SNTG1: variants seen among roughly 807,000 people sequenced by gnomAD.
The protein encoded by SNTG1 is gamma-1-syntrophin.
A neutral mutation model predicts 74.7 loss-of-function variants in SNTG1; 39 were observed. The ratio of observed to expected loss-of-function variants is 0.52; its 90% CI spans 0.40 to 0.68. SNTG1 has a LOEUF of 0.68. SNTG1 is among the 30% of genes least tolerant of loss of function. The pLI is 0.00. For missense variants in SNTG1, 685 were observed against 609.5 expected (o/e 1.12, Z -1.30); for synonymous variants, 254 against 217.1 (o/e 1.17, Z -1.49).
chr8:50,713,116 C>T (rs749038920), intron 17 of SNTG1, among the ~76,000 whole-genome samples: 2 of 152,146 alleles, frequency 1.3e-5, no homozygotes, highest in African/African-American at 2.4e-5. Flanking sequence ...CACTCCCCAC[C>T]AACAGTATAA....
In SNTG1 at chr8:50,635,402, T is replaced by C. The variant is rs191816035; in HGVS notation, c.850-21507T>C. ...CAGTGAGTTTTTTCAGGCCCTAGGC[T>C]GGTTTAGAGATGATTTCCAGGAGCC... is the stretch of plus-strand genomic sequence containing the variant. On this transcript the variant is annotated intron_variant, in intron 13 of 18. Coordinates refer to ENST00000642720, the MANE Select transcript of SNTG1 (RefSeq NM_018967.5). Among the ~76,000 whole-genome samples, 8 of 152,286 alleles carry C rather than the reference T, an allele frequency of 5.3e-5. No homozygotes were observed. The East Asian group carries it at 1.5e-3, about 29-fold the overall frequency.
chr8:50,042,728 C>CTT (rs1404618290), intron 1 of SNTG1, among the ~76,000 whole-genome samples: 2 of 143,090 alleles, frequency 1.4e-5, no homozygotes. Flanking sequence ...GGCTAATTGA[C>CTT]TTTTTTTTTT....
In SNTG1 at chr8:50,779,740, G is replaced by T. The variant is rs1199288141; in HGVS notation, c.1396-12931G>T. On this transcript the variant is annotated intron_variant, in intron 18 of 18. Coordinates refer to ENST00000642720, the MANE Select transcript of SNTG1 (RefSeq NM_018967.5). ...CCCTGGCCAGAACTTCCAACACTAT[G>T]TTGAATAGGAGTGGTGAGAGAGGGC... Among the ~76,000 whole-genome samples the T allele has an allele frequency of 1.0e-3, 148 of 144,446 alleles. 1 individual carries two copies. The highest frequency in any genetic ancestry group is 5.4e-4 in the Non-Finnish European group (36 of 67,096). The allele number at this position is 144,446 out of a possible 152,430, so 94.8% of individuals were successfully genotyped here.
At chr8:50,612,379 T>C (rs975755196) in intron 13 of SNTG1, among the ~76,000 whole-genome samples, 1 of 152,210 alleles carries the variant, frequency 6.6e-6, no homozygotes, top group Non-Finnish European at 1.5e-5. Context: ...TGTACTCACT[T>C]GTGTTACTAA....
intron 18 of SNTG1, among the ~76,000 whole-genome samples, chr8:50,780,962 C>A (rs541220231): frequency 2.6e-5 from 4 of 152,120 alleles, no homozygotes; most frequent in African/African-American, 9.7e-5. Flanking sequence ...TCATTACGTA[C>A]CGAGTAGTCA....
chr8:50,546,092 CAT>C (rs150293418), intron 11 of SNTG1, among the ~76,000 whole-genome samples: 61 of 152,106 alleles, frequency 4.0e-4, no homozygotes, highest in Non-Finnish European at 7.4e-4. Flanking sequence ...GTAAGGATGT[CAT>C]AGAAGTTATT....
chr8:50,401,515 C>A (rs1048732945), intron 3 of SNTG1, among the ~76,000 whole-genome samples: 3 of 152,020 alleles, frequency 2.0e-5, no homozygotes, highest in Non-Finnish European at 4.4e-5. Context: ...AACTAGGCTC[C>A]AATTTTAATT....
chr8:50,583,002 T>A (rs922005112), intron 12 of SNTG1, among the ~76,000 whole-genome samples: 1 of 152,070 alleles, frequency 6.6e-6, no homozygotes, highest in Non-Finnish European at 1.5e-5. Context: ...TTTAAAAAAA[T>A]TGAATTTTAT....
At chr8:50,651,799 GAC>G (rs1563695542) in intron 13 of SNTG1, among the ~76,000 whole-genome samples, 1 of 149,538 alleles carries the variant, frequency 6.7e-6, no homozygotes. Context: ...ATTTTTTTGA[GAC>G]AGAGTTTCGC....
chr8:50,405,882 C>T (rs1336236875), intron 4 of SNTG1, among the ~76,000 whole-genome samples: 1 of 151,956 alleles, frequency 6.6e-6, no homozygotes, highest in African/African-American at 2.4e-5. Flanking sequence ...AAATCATGTG[C>T]CGTATATATA....
chr8:50,252,243 C>T (rs1320105458), intron 2 of SNTG1, among the ~76,000 whole-genome samples: 2 of 151,870 alleles, frequency 1.3e-5, no homozygotes, highest in African/African-American at 4.8e-5. Flanking sequence ...CAATAAACAT[C>T]TACATCAAAA....
chr8:50,527,791 A>G (rs953493178), intron 9 of SNTG1, among the ~76,000 whole-genome samples: 2 of 151,924 alleles, frequency 1.3e-5, no homozygotes, highest in Non-Finnish European at 2.9e-5. Flanking sequence ...ATGGAACTAA[A>G]TTAAATTTAT....
At position 50,216,228 on chromosome 8, in the gene SNTG1, C is replaced by A. The variant is rs887358751; in HGVS notation, c.-28+43593C>A. Among the ~76,000 whole-genome samples, 4 of 152,112 alleles carry A rather than the reference C, an allele frequency of 2.6e-5. No homozygotes were observed. In the South Asian group the frequency reaches 8.3e-4, roughly 31 times the overall value. ...AAGGATAGGAACATTTGTAAATGAC[C>A]TTTTTACATATTGCTGATCTCTTTT... On this transcript the variant is annotated intron_variant, in intron 2 of 18. Coordinates refer to ENST00000642720, the MANE Select transcript of SNTG1 (RefSeq NM_018967.5).
At chr8:50,709,375 GT>G in intron 17 of SNTG1, among the ~76,000 whole-genome samples, 1 of 150,452 alleles carries the variant, frequency 6.6e-6, no homozygotes, top group East Asian at 2.0e-4. Flanking sequence ...AAGAAAACAT[GT>G]TGTTTTTTTA....
At chr8:50,637,793 A>G (rs1208600819) in intron 13 of SNTG1, among the ~76,000 whole-genome samples, 2 of 152,110 alleles carry the variant, frequency 1.3e-5, no homozygotes, top group Non-Finnish European at 2.9e-5. Context: ...TAAAATACAT[A>G]TCTTTATCTG....
intron 1 of SNTG1, among the ~76,000 whole-genome samples, chr8:50,044,892 A>G (rs925676174): frequency 6.6e-6 from 1 of 152,198 alleles, no homozygotes; most frequent in Admixed American, 6.5e-5. Flanking sequence ...CAATTTGTTC[A>G]GTGAATTAAA....
At chr8:50,659,922 C>T (rs895026871) in intron 15 of SNTG1, among the ~76,000 whole-genome samples, 20 of 151,290 alleles carry the variant, frequency 1.3e-4, no homozygotes, top group African/African-American at 4.1e-4. Flanking sequence ...TCACTGCAAC[C>T]TCCACCTCCC....
intron 2 of SNTG1, among the ~76,000 whole-genome samples, chr8:50,277,849 T>C (rs898398797): frequency 6.6e-6 from 1 of 152,184 alleles, no homozygotes. Context: ...ATTAATTTTA[T>C]CGATGGTTAT....
intron 18 of SNTG1, among the ~76,000 whole-genome samples, chr8:50,788,411 G>A (rs1372678769): frequency 6.6e-6 from 1 of 151,586 alleles, no homozygotes; most frequent in African/African-American, 2.4e-5. Flanking sequence ...GCATGGCCAT[G>A]TTACTGTGGG....
Sources: gnomAD v4.1 joint callset for allele counts (sites outside exome capture counted in the v4.1 genomes callset) on GRCh38, gnomAD v4.1.1 for gene constraint, MANE v1.5 for transcripts, NCBI Gene and HGNC (gene_info 2026-07-23, HGNC 2026-07-21) for gene names.